SEPTIN9: variants seen among roughly 807,000 people sequenced by gnomAD.
The protein encoded by SEPTIN9 is septin 9.
SEPTIN9 carries 13 observed loss-of-function variants against 56.6 expected under a neutral mutation model. That is an observed-to-expected ratio of 0.23 (90% CI 0.15 to 0.37). The LOEUF (loss-of-function observed/expected upper bound fraction) is 0.37. SEPTIN9 is among the 10% of genes least tolerant of loss of function. SEPTIN9 has a pLI of 1.00. For missense variants in SEPTIN9, 650 were observed against 823.1 expected, an observed-to-expected ratio of 0.79 and a Z score of 2.57; for synonymous variants, 332 against 334.1, an observed-to-expected ratio of 0.99 and a Z score of 0.07.
At chr17:77,455,964 A>T (rs72887155) in intron 3 of SEPTIN9, among the ~76,000 whole-genome samples, 1 of 151,862 alleles carries the variant, frequency 6.6e-6, no homozygotes, top group Non-Finnish European at 1.5e-5. Flanking sequence ...TTTGAACACG[A>T]TCTCCCCCGG....
chr17:77,436,205 C>T lies in SEPTIN9; in HGVS notation c.721+33502C>T, dbSNP rs312908. Among the ~76,000 whole-genome samples the T allele has an allele frequency of 0.03, 4,493 of 152,222 alleles. 224 individuals carry two copies. The highest frequency in any genetic ancestry group is 0.098 in the African/African-American group (4,051 of 41,508). ...AATGGTGGATCCCATTTCCTCAGCC[C>T]CCTCTCCAGCTTTCCCAGGGAAAGG... On this transcript the variant is annotated intron_variant, in intron 3 of 11. Coordinates refer to ENST00000427177, the MANE Select transcript of SEPTIN9 (RefSeq NM_001113491.2). The surrounding 1 kb of genome is among the most constrained non-coding windows in gnomAD (Gnocchi z 4.4).
rs1029915341 is a variant in SEPTIN9, at chr17:77,402,003, C to T, written c.77-56C>T. ...TGCTGCTCCTTAGCAGGAAACATGC[C>T]GGAGTGTTCCCTAGCCATCCATTCA... is the stretch of plus-strand genomic sequence containing the variant. On this transcript the variant is annotated intron_variant, in intron 2 of 11. Transcript: ENST00000427177. This position sits in a 1 kb window ranked among gnomAD's most constrained non-coding sequence, Gnocchi z 6.6. The T allele has an allele frequency of 1.8e-5, 28 of 1,561,198 alleles. No individual in the cohort carries two copies. Among genetic ancestry groups the T allele is most frequent in the African/African-American group, 1.5e-4 (11 of 73,592 alleles).
chr17:77,498,885 A>G lies in SEPTIN9; in HGVS notation c.*227A>G, dbSNP rs775729154. Reference sequence around the variant, plus strand: ...GGGAGGCTGCACTGGAGCCACAGGCAGGGGTGAGAGCACCCACTGAATTGA... The same window carrying G: ...GGGAGGCTGCACTGGAGCCACAGGCGGGGGTGAGAGCACCCACTGAATTGA... On this transcript the variant is annotated 3_prime_UTR_variant, in exon 12 of 12. Transcript: ENST00000427177. 5.0e-6 allele frequency: 3 copies of G among 598,662 alleles called. No individual in the cohort carries two copies. The highest frequency in any genetic ancestry group is 3.1e-6 in the Non-Finnish European group (1 of 318,036). The allele number at this position is 598,662 out of a possible 1,614,324, so 37.1% of individuals were successfully genotyped here.
intron 5 of SEPTIN9, 29 bp from the exon 6 acceptor site, chr17:77,488,210 CT>C: frequency 6.2e-7 from 1 of 1,610,248 alleles, no homozygotes; most frequent in South Asian, 1.1e-5. Flanking sequence ...TCCGTCTCCC[CT>C]CTGACTCTGC....
At chr17:77,415,158 G>A (rs1242404573) in intron 3 of SEPTIN9, among the ~76,000 whole-genome samples, 1 of 152,210 alleles carries the variant, frequency 6.6e-6, no homozygotes, top group Admixed American at 6.5e-5. Flanking sequence ...GGCCCACAGG[G>A]TGGGACAAGC....
intron 10 of SEPTIN9, chr17:77,497,051 T>G: frequency 1.8e-6 from 1 of 555,046 alleles, no homozygotes; most frequent in Non-Finnish European, 3.2e-6. Context: ...CATCTCCCAT[T>G]AGCCAGGAAC....
At chr17:77,488,405 C>A in intron 6 of SEPTIN9, 84 bp downstream of exon 6, 1 of 1,311,506 alleles carries the variant, frequency 7.6e-7, no homozygotes, top group South Asian at 1.2e-5. Context: ...AGAGGTTTCC[C>A]GGCCCGCGGG....
chr17:77,489,758 C>G (rs1266312767), intron 7 of SEPTIN9, among the ~76,000 whole-genome samples: 2 of 152,334 alleles, frequency 1.3e-5, no homozygotes, highest in South Asian at 4.1e-4. Flanking sequence ...CCGGAGTTTT[C>G]GAGCCCACCC....
At chr17:77,380,516 G>A (rs2035105532) in intron 2 of SEPTIN9, among the ~76,000 whole-genome samples, 1 of 152,070 alleles carries the variant, frequency 6.6e-6, no homozygotes, top group South Asian at 2.1e-4. Context: ...AAATCAAGGG[G>A]CCTGGCCTTA....
chr17:77,401,513 A>T (rs186710278), intron 2 of SEPTIN9, among the ~76,000 whole-genome samples: 8 of 152,136 alleles, frequency 5.3e-5, no homozygotes, highest in African/African-American at 1.9e-4. Flanking sequence ...TGGGAGGCCG[A>T]GGCGGGTGGA....
chr17:77,354,435 G>A (rs1335769978), intron 2 of SEPTIN9, among the ~76,000 whole-genome samples: 1 of 152,144 alleles, frequency 6.6e-6, no homozygotes, highest in Non-Finnish European at 1.5e-5. Context: ...CACCAAGGAA[G>A]CTTCTAGCAG....
rs535269749 is a variant in SEPTIN9 at position 77,396,282 on chromosome 17, C to T, written c.77-5777C>T. ...GAGCCTCTTCTGTGTCCTTCAGTTG[C>T]ATTAACTCCTTGCAGACAGAGGAGG... On this transcript the variant is annotated intron_variant, in intron 2 of 11. Coordinates refer to ENST00000427177, the MANE Select transcript of SEPTIN9 (RefSeq NM_001113491.2). 1.2e-3 allele frequency among the ~76,000 whole-genome samples: 183 copies of T among 152,346 alleles called. 2 individuals carry two copies. The highest frequency in any genetic ancestry group is 4.1e-3 in the African/African-American group (172 of 41,586).
At chr17:77,341,581 C>T (rs2033725728) in intron 2 of SEPTIN9, among the ~76,000 whole-genome samples, 1 of 151,716 alleles carries the variant, frequency 6.6e-6, no homozygotes, top group South Asian at 2.1e-4. Flanking sequence ...TTGAGACCAG[C>T]CTGGCCAACA....
rs904791947 is a variant in SEPTIN9 at position 77,425,873 on chromosome 17, C to A, written c.721+23170C>A. ...GTTGTGCGGTCTTGGACAGTCCCAG[C>A]CCTCCTGGAGCTGAGCATCCTGATC... On this transcript the variant is annotated intron_variant, in intron 3 of 11. Transcript: ENST00000427177. The surrounding 1 kb of genome is among the most constrained non-coding windows in gnomAD (Gnocchi z 4.2). Among the ~76,000 whole-genome samples the A allele has an allele frequency of 1.3e-5, 2 of 152,232 alleles. No individual in the cohort carries two copies. The highest frequency in any genetic ancestry group is 2.4e-5 in the African/African-American group (1 of 41,460).
rs57234688 is a variant in SEPTIN9 at position 77,400,306 on chromosome 17, G to A, written c.77-1753G>A. ...AGAAGTGAACAGCTCTGGCCACGCC[G>A]GGCCCATATCCTCTAGGGCAGTGAC... On this transcript the variant is annotated intron_variant, in intron 2 of 11. Transcript: ENST00000427177. This position sits in a 1 kb window ranked among gnomAD's most constrained non-coding sequence, Gnocchi z 4.1. 0.022 allele frequency among the ~76,000 whole-genome samples: 3,331 copies of A among 152,244 alleles called. 118 individuals are homozygous for A. The highest frequency in any genetic ancestry group is 0.074 in the African/African-American group (3,076 of 41,518).
intron 3 of SEPTIN9, chr17:77,466,283 G>A (rs1292986127): frequency 1.9e-6 from 1 of 516,192 alleles, no homozygotes; most frequent in Admixed American, 6.4e-5. Flanking sequence ...AGCCCAGCTG[G>A]CTTGGAGGGC....
At chr17:77,373,818 T>A (rs1322020712) in intron 2 of SEPTIN9, 2 of 492,148 alleles carry the variant, frequency 4.1e-6, no homozygotes, top group East Asian at 7.4e-5. Context: ...CACTGCCGCC[T>A]GGGTTTCCTT....
rs2040366440 is a variant in SEPTIN9 at position 77,498,441 on chromosome 17, G to A, written c.1626-82G>A. The A allele has an allele frequency of 9.4e-6, 8 of 847,480 alleles. No individual in the cohort carries two copies. The South Asian group carries it at 1.0e-4, about 11-fold the overall frequency. 52.5% of individuals were successfully genotyped at this position (847,480 alleles called of 1,614,324 possible). On this transcript the variant is annotated intron_variant, in intron 11 of 11. Transcript: ENST00000427177. Reference sequence around the variant, plus strand: ...GGGGGCAGGCGGGCCTGAGTCCGAGGCAGGCCGAGCAGGGCCCCTGCCCCG... The same window carrying A: ...GGGGGCAGGCGGGCCTGAGTCCGAGACAGGCCGAGCAGGGCCCCTGCCCCG...
intron 2 of SEPTIN9, among the ~76,000 whole-genome samples, chr17:77,307,619 A>G (rs934752543): frequency 6.6e-6 from 1 of 152,106 alleles, no homozygotes; most frequent in African/African-American, 2.4e-5. Context: ...AAGATGCTCC[A>G]GGATAGAGCA....
Sources: allele counts gnomAD v4.1 joint callset (sites outside exome capture counted in the v4.1 genomes callset), GRCh38; gene constraint gnomAD v4.1.1; non-coding constraint Gnocchi (gnomAD v3.1); transcripts MANE v1.5; gene names NCBI Gene and HGNC (gene_info 2026-07-23, HGNC 2026-07-21).